DHRS4L2: variants seen among roughly 807,000 people sequenced by gnomAD.
The protein encoded by DHRS4L2 is dehydrogenase/reductase SDR family member 4-like 2.
Under a neutral mutation model 23.9 loss-of-function variants are expected in DHRS4L2, and 22 were observed. The ratio of observed to expected loss-of-function variants is 0.92; its 90% confidence interval spans 0.66 to 1.31. DHRS4L2 has a LOEUF of 1.31. Among genes scored for constraint, DHRS4L2 ranks in the 40% most tolerant of loss-of-function variants. The probability of loss-of-function intolerance (pLI) is 0.00; values close to 1 mark genes in which losing one functional copy is unlikely to be tolerated. For synonymous variants in DHRS4L2, 141 were observed against 123.7 expected (o/e 1.14, Z -0.93); for missense variants, 385 against 303.3 (o/e 1.27, Z -2.00).
intron 6 of DHRS4L2, among the ~76,000 whole-genome samples, chr14:24,001,957 C>CTTGTTTTTTTTTTTTTTTTTTTT (rs2034497756): frequency 1.8e-4 from 1 of 5,516 alleles, no homozygotes; most frequent in Non-Finnish European, 2.2e-4. Flanking sequence ...CTTTCCTCTT[C>CTTGTTTTTTTTTTTTTTTTTTTT]TTTTTTTTTT....
chr14:23,990,351 G>C lies in DHRS4L2; in HGVS notation c.298G>C (p.Val100Leu), dbSNP rs771254883. 2 of 1,610,260 alleles carry C rather than the reference G, an allele frequency of 1.2e-6. No individual in the cohort carries two copies. The highest frequency in any genetic ancestry group is 2.2e-5 in the South Asian group (2 of 90,640). The change falls in exon 2 of 8, where the codon GTG becomes CTG. Residue 100 changes from valine (V) to leucine (L), a missense_variant. Coordinates refer to ENST00000335125, the MANE Select transcript of DHRS4L2 (RefSeq NM_198083.4). The stretch of plus-strand genomic sequence containing the variant: ...GAAGGCGGAGGACCGGGAGCGGCTG[G>C]TGGCCATGGTGAGCTGCAGGGAAAT... ...VGKAEDRERLVAMAVKLHGGI... is the reference protein window; with the variant it reads ...VGKAEDRERLLAMAVKLHGGI...
At chr14:23,999,344 T>TTAAAAA (rs2034440952) in intron 3 of DHRS4L2, among the ~76,000 whole-genome samples, 1 of 53,678 alleles carries the variant, frequency 1.9e-5, no homozygotes, top group Non-Finnish European at 4.7e-5. Context: ...CTCCAATTTG[T>TTAAAAA]AAAAAAAAAA....
chr14:23,983,283 T>C (rs2332150), intron 1 of DHRS4L2, among the ~76,000 whole-genome samples: 3 of 151,552 alleles, frequency 2.0e-5, no homozygotes, highest in Non-Finnish European at 4.4e-5. Flanking sequence ...TGAAAAAAAG[T>C]TCATCATCAC....
upstream of DHRS4L2, among the ~76,000 whole-genome samples, chr14:23,985,066 C>T (rs1323822007): frequency 6.6e-6 from 1 of 151,344 alleles, no homozygotes; most frequent in East Asian, 1.9e-4. Context: ...GAACAGTAGT[C>T]TCCAGAGGTT....
At chr14:23,974,758 T>G (rs1389347295) in intron 1 of DHRS4L2, among the ~76,000 whole-genome samples, 1 of 151,828 alleles carries the variant, frequency 6.6e-6, no homozygotes, top group Non-Finnish European at 1.5e-5. Flanking sequence ...CAATAATTAA[T>G]AGCCTACCAA....
chr14:23,988,512 C>T (rs1566492918), upstream of DHRS4L2, among the ~76,000 whole-genome samples: 1 of 150,778 alleles, frequency 6.6e-6, no homozygotes, highest in African/African-American at 2.4e-5. Context: ...AAACATTTGC[C>T]CTCCTGTGGG....
rs138081005 is a variant in DHRS4L2, at chr14:23,973,137, G to C, written c.-176+2805G>C. On this transcript the variant is annotated intron_variant, in intron 1 of 5. Coordinates refer to the DHRS4L2 transcript ENST00000534993. ...TTTCCTCTTTTACTAATCCACCAGA[G>C]CACAGACCCTTTATGGGTGTCAGGC... Among the ~76,000 whole-genome samples the C allele has an allele frequency of 3.7e-4, 57 of 152,022 alleles. No homozygotes were observed. The East Asian group carries it at 0.01, about 28-fold the overall frequency.
intron 6 of DHRS4L2, among the ~76,000 whole-genome samples, chr14:24,002,316 A>AT (rs2034507959): frequency 1.6e-4 from 7 of 42,750 alleles, no homozygotes. Flanking sequence ...TGAACTCATC[A>AT]TTTTTTATGG....
At chr14:23,996,512 T>C (rs1457912996) in intron 3 of DHRS4L2, among the ~76,000 whole-genome samples, 1 of 150,852 alleles carries the variant, frequency 6.6e-6, no homozygotes, top group East Asian at 1.9e-4. Flanking sequence ...AAACCTTCCT[T>C]CTTAGGAACT....
At position 23,990,192 on chromosome 14, in the gene DHRS4L2, G is replaced by A. The variant is rs768424309; in HGVS notation, c.139G>A (p.Ala47Thr). The A allele has an allele frequency of 8.1e-5, 130 of 1,612,596 alleles. 2 individuals carry two copies. The highest frequency in any genetic ancestry group is 3.3e-4 in the Middle Eastern group (2 of 6,080). Reference sequence around the variant, plus strand: ...TCTTTCTGCTCACAGGATCGGCTTCGCCATCGCCCGGCGTTTGGCCCAGGA... The same window carrying A: ...TCTTTCTGCTCACAGGATCGGCTTCACCATCGCCCGGCGTTTGGCCCAGGA... ...VTASTDGIGFAIARRLAQDRA... is the reference protein window; with the variant it reads ...VTASTDGIGFTIARRLAQDRA... The change falls in exon 2 of 8, where the codon GCC becomes ACC. Residue 47 changes from alanine (A) to threonine (T), a missense_variant. Ala to Thr is a moderately conservative substitution (Grantham distance 58). Coordinates refer to ENST00000335125, the MANE Select transcript of DHRS4L2 (RefSeq NM_198083.4).
In DHRS4L2 at chr14:23,992,028, C is replaced by T. The variant is rs1214317696; in HGVS notation, c.306+1669C>T. ...GGGATTACAGGCGTGAGCCACTGTG[C>T]CCGGCCATAGCTTCTTAAAAGGATA... is the stretch of plus-strand genomic sequence containing the variant. On this transcript the variant is annotated intron_variant, in intron 2 of 7. Transcript: ENST00000335125. Among the ~76,000 whole-genome samples the T allele has an allele frequency of 5.9e-5, 9 of 151,700 alleles. No individual in the cohort carries two copies. The East Asian group carries it at 1.5e-3, about 26-fold the overall frequency.
upstream of DHRS4L2, among the ~76,000 whole-genome samples, chr14:23,986,420 A>C (rs1397412387): frequency 6.6e-6 from 1 of 151,206 alleles, no homozygotes; most frequent in Non-Finnish European, 1.5e-5. Flanking sequence ...TGATGAGTTA[A>C]CGGGTGCAGC....
chr14:24,000,740 A>G (rs2034469456), intron 3 of DHRS4L2, 123 bp from the exon 4 acceptor site: 1 of 826,146 alleles, frequency 1.2e-6, no homozygotes. Context: ...ATGCAGGTAT[A>G]TCATCCTAAG....
At chr14:23,990,052 T>A (rs576723560) in intron 1 of DHRS4L2, 130 bp from the exon 2 acceptor site, 1 of 1,411,106 alleles carries the variant, frequency 7.1e-7, no homozygotes, top group East Asian at 2.4e-5. Context: ...TTACACATAG[T>A]AGGCACACGT....
intron 1 of DHRS4L2, among the ~76,000 whole-genome samples, chr14:23,971,090 C>T (rs1390637239): frequency 1.3e-5 from 2 of 152,068 alleles, no homozygotes; most frequent in Non-Finnish European, 2.9e-5. Flanking sequence ...AACGTCTCTT[C>T]TCTTCCAAAG....
chr14:23,998,770 A>G (rs2034431337), intron 3 of DHRS4L2, among the ~76,000 whole-genome samples: 1 of 150,306 alleles, frequency 6.7e-6, no homozygotes. Flanking sequence ...CATATTAACA[A>G]TAAACCTCTT....
At chr14:23,983,086 GA>G in intron 1 of DHRS4L2, among the ~76,000 whole-genome samples, 1 of 151,742 alleles carries the variant, frequency 6.6e-6, no homozygotes, top group South Asian at 2.1e-4. Context: ...TCGTCAGAGT[GA>G]ACAGGCAACC....
intron 1 of DHRS4L2, among the ~76,000 whole-genome samples, chr14:23,972,030 T>A (rs2138500852): frequency 1.3e-5 from 2 of 152,150 alleles, no homozygotes; most frequent in East Asian, 1.9e-4. Flanking sequence ...AGACACAGAC[T>A]GGCAAATTGG....
intron 1 of DHRS4L2, 59 bp from the exon 2 acceptor site, chr14:23,990,123 T>C: frequency 6.3e-7 from 1 of 1,598,446 alleles, no homozygotes. Flanking sequence ...TCAGAGCCCA[T>C]GCTGTCGACC....
Sources: gnomAD v4.1 joint callset for allele counts (sites outside exome capture counted in the v4.1 genomes callset) on GRCh38, gnomAD v4.1.1 for gene constraint, MANE v1.5 for transcripts, NCBI Gene and HGNC (gene_info 2026-07-23, HGNC 2026-07-21) for gene names.